Variants in L3HYPDH observed in about 807,000 individuals in gnomAD.
The protein encoded by L3HYPDH is trans-3-hydroxy-L-proline dehydratase.
In L3HYPDH, 32 loss-of-function variants were observed where a neutral mutation model predicts 26.5. The ratio of observed to expected loss-of-function variants is 1.21; its 90% CI spans 0.91 to 1.62. L3HYPDH has a LOEUF of 1.62. Among genes scored for constraint, L3HYPDH ranks in the 40% most tolerant of loss-of-function variants. The pLI is 0.00. For synonymous variants in L3HYPDH, 215 were observed against 196.6 expected, an observed-to-expected ratio of 1.09 and a Z score of -0.78; for missense variants, 554 against 476.4, an observed-to-expected ratio of 1.16 and a Z score of -1.52.
intron 1 of L3HYPDH, among the ~76,000 whole-genome samples, chr14:59,482,434 C>T (rs981374076): frequency 6.6e-6 from 1 of 152,160 alleles, no homozygotes; most frequent in African/African-American, 2.4e-5. Flanking sequence ...CTAACTGACC[C>T]AGAAATGAGA....
intron 1 of L3HYPDH, 92 bp downstream of exon 1, chr14:59,483,717 T>C (rs1239737675): frequency 2.0e-6 from 3 of 1,518,976 alleles, no homozygotes; most frequent in Admixed American, 2.1e-5. Flanking sequence ...AGTAGGTTAG[T>C]TGCCAGAGTT....
downstream of L3HYPDH, among the ~76,000 whole-genome samples, chr14:59,472,225 T>TGCAGCTGATA (rs1263129334): frequency 1.3e-5 from 2 of 152,258 alleles, no homozygotes; most frequent in Non-Finnish European, 2.9e-5. Flanking sequence ...CTACCTAGCA[T>TGCAGCTGATA]GCAGCTGATA....
Position 59,483,845 on chromosome 14 carries a change from G to T in L3HYPDH, c.472C>A (p.Arg158Ser). The change falls in exon 1 of 5, where the codon CGC (arginine) becomes AGC (serine). Residue 158 changes from arginine (R) to serine (S), a missense_variant. Arg to Ser is a moderately radical substitution (Grantham distance 110). Coordinates refer to ENST00000247194, the MANE Select transcript of L3HYPDH (RefSeq NM_144581.2). Reference sequence around the variant, plus strand: ...ACGAAGGCCGGGACGCTGTGGAAGCGCACCGGTCCGTGGCTGCGGCCGTCC... The same window carrying T: ...ACGAAGGCCGGGACGCTGTGGAAGCTCACCGGTCCGTGGCTGCGGCCGTCC... ...CEDGRSHGPVRFHSVPAFVLA... is the reference protein window; with the variant it reads ...CEDGRSHGPVSFHSVPAFVLA... The T allele has an allele frequency of 6.3e-7, 1 of 1,587,858 alleles. No individual in the cohort carries two copies. Among genetic ancestry groups the T allele is most frequent in the Non-Finnish European group, 8.5e-7 (1 of 1,174,284 alleles).
chr14:59,484,700 G>C, upstream of L3HYPDH: 1 of 1,374,530 alleles, frequency 7.3e-7, no homozygotes, highest in Non-Finnish European at 1.0e-6. Context: ...GGTTGGCGGC[G>C]CAGGCTCGCC....
At chr14:59,487,563 TG>T, upstream of L3HYPDH, 1 of 789,188 alleles carries the variant, frequency 1.3e-6, no homozygotes, top group Non-Finnish European at 2.1e-6. Context: ...AAGCTGCACA[TG>T]TAAACTTAAA....
downstream of L3HYPDH, among the ~76,000 whole-genome samples, chr14:59,470,956 G>T (rs1158416400): frequency 4.1e-4 from 4 of 9,760 alleles, no homozygotes; most frequent in East Asian, 5.9e-3. Context: ...GGCTGGGGGC[G>T]GGGGGGGGGG....
intron 1 of L3HYPDH, among the ~76,000 whole-genome samples, chr14:59,482,698 C>G (rs17096278): frequency 0.041 from 6,185 of 152,270 alleles, 143 homozygotes; most frequent in Middle Eastern, 0.13. Flanking sequence ...TTTCAGCTGC[C>G]TAAGGTTGCT....
At chr14:59,491,874 C>A in the L3HYPDH span, among the ~76,000 whole-genome samples, 3 of 152,208 alleles carry the variant, frequency 2.0e-5, no homozygotes, top group East Asian at 5.8e-4. Context: ...TAAGACTAGA[C>A]CCTCAAGGGC....
downstream of L3HYPDH, among the ~76,000 whole-genome samples, chr14:59,468,293 A>G (rs1221264655): frequency 6.6e-6 from 1 of 152,196 alleles, no homozygotes; most frequent in Non-Finnish European, 1.5e-5. Context: ...TATTTCCTAC[A>G]AGGCACTGCA....
intron 1 of L3HYPDH, among the ~76,000 whole-genome samples, chr14:59,482,866 G>A (rs1890132433): frequency 6.6e-6 from 1 of 152,194 alleles, no homozygotes; most frequent in Non-Finnish European, 1.5e-5. Flanking sequence ...CTGGCTCCTG[G>A]CTCACTTCCA....
the L3HYPDH span, among the ~76,000 whole-genome samples, chr14:59,503,621 G>C: frequency 6.6e-6 from 1 of 152,176 alleles, no homozygotes; most frequent in Non-Finnish European, 1.5e-5. Context: ...TGATGACGTA[G>C]CTTTCGTCTG....
intron 1 of L3HYPDH, among the ~76,000 whole-genome samples, chr14:59,480,872 G>T (rs1451187129): frequency 6.6e-6 from 1 of 152,200 alleles, no homozygotes; most frequent in African/African-American, 2.4e-5. Context: ...TAGAAATGAG[G>T]GACTGCTGGA....
intron 1 of L3HYPDH, among the ~76,000 whole-genome samples, chr14:59,465,550 A>G (rs1889140272): frequency 6.6e-6 from 1 of 152,214 alleles, no homozygotes; most frequent in Non-Finnish European, 1.5e-5. Context: ...TGAGGGACCA[A>G]TGTCCGGCCA....
At chr14:59,503,186 G>A in the L3HYPDH span, among the ~76,000 whole-genome samples, 2 of 152,220 alleles carry the variant, frequency 1.3e-5, no homozygotes, top group South Asian at 4.1e-4. Context: ...CAGAAATGGG[G>A]ACCTAAAACG....
At chr14:59,473,476 G>A (rs1889410760) in intron 4 of L3HYPDH, among the ~76,000 whole-genome samples, 1 of 152,168 alleles carries the variant, frequency 6.6e-6, no homozygotes, top group African/African-American at 2.4e-5. Flanking sequence ...TTGAGGACTA[G>A]CAATAAGTTA....
chr14:59,502,009 C>G, the L3HYPDH span, among the ~76,000 whole-genome samples: 1 of 152,076 alleles, frequency 6.6e-6, no homozygotes, highest in South Asian at 2.1e-4. Flanking sequence ...AGGAACTAAG[C>G]TATTGGTTAA....
the L3HYPDH span, chr14:59,504,490 T>TTTTGTTTTCACCTATAATGAAC: frequency 0.011 from 1,784 of 159,506 alleles, 26 homozygotes; most frequent in African/African-American, 0.041. Flanking sequence ...CTATAATGAA[T>TTTTGTTTTCACCTATAATGAAC]TGTAAAAACA....
At chr14:59,465,524 T>C (rs1594899921) in intron 1 of L3HYPDH, among the ~76,000 whole-genome samples, 3 of 152,164 alleles carry the variant, frequency 2.0e-5, no homozygotes, top group African/African-American at 7.2e-5. Flanking sequence ...TTTCCGAGAG[T>C]GCCAGGTCGA....
chr14:59,470,341 C>T (rs150512286), downstream of L3HYPDH, among the ~76,000 whole-genome samples: 75 of 152,250 alleles, frequency 4.9e-4, no homozygotes, highest in Middle Eastern at 6.8e-3. Context: ...TCTAAGATTC[C>T]CAGGTGATTC....
Sources: gnomAD v4.1 joint callset for allele counts (sites outside exome capture counted in the v4.1 genomes callset) on GRCh38, gnomAD v4.1.1 for gene constraint, MANE v1.5 for transcripts, NCBI Gene and HGNC (gene_info 2026-07-23, HGNC 2026-07-21) for gene names.